The following PTGER4 variants were observed in gnomAD, a reference collection of about 807,000 sequenced individuals.
PTGER4 encodes the protein prostaglandin E2 receptor EP4 subtype.
Under a neutral mutation model 33.2 loss-of-function variants are expected in PTGER4, and 11 were observed. That is an observed-to-expected ratio of 0.33 (90% CI 0.21 to 0.55). The LOEUF is 0.55. Among genes scored for constraint, PTGER4 ranks in the 20% least tolerant of loss-of-function variants. The pLI is 0.92. For missense variants in PTGER4, 481 were observed against 650.2 expected (o/e 0.74, Z 2.83); for synonymous variants, 275 against 281.5 (o/e 0.98, Z 0.23).
At position 40,692,168 on chromosome 5, in the gene PTGER4, T is replaced by A. The variant is rs973818504; in HGVS notation, c.1257T>A (p.Pro419=). Residue 419 remains proline (P), a synonymous_variant, in exon 3 of 3, where the codon CCT becomes CCA. Coordinates refer to ENST00000302472, the MANE Select transcript of PTGER4 (RefSeq NM_000958.3). ...GCAGGAATTTGCTTCCAGGTGTGCC[T>A]GGCATGGGCCTGGCCCAGGAAGACA... ...LGGRNLLPGV[P]GMGLAQEDTT... is the part of the protein sequence containing the mutation. The A allele has an allele frequency of 5.6e-6, 9 of 1,614,104 alleles. No individual in the cohort carries two copies. The highest frequency in any genetic ancestry group is 7.6e-6 in the Non-Finnish European group (9 of 1,180,046).
At chr5:40,737,565 GT>G in the PTGER4 span, among the ~76,000 whole-genome samples, 2 of 152,010 alleles carry the variant, frequency 1.3e-5, no homozygotes, top group Non-Finnish European at 2.9e-5. Context: ...TCAAAACTTT[GT>G]TTTTTTAATC....
At chr5:40,710,312 G>A in the PTGER4 span, among the ~76,000 whole-genome samples, 1 of 152,018 alleles carries the variant, frequency 6.6e-6, no homozygotes, top group Admixed American at 6.5e-5. Flanking sequence ...TGCAGCCAAA[G>A]GACACATGAA....
chr5:40,703,645 C>G, the PTGER4 span, among the ~76,000 whole-genome samples: 1 of 151,962 alleles, frequency 6.6e-6, no homozygotes, highest in Non-Finnish European at 1.5e-5. Flanking sequence ...TGGCTCACGC[C>G]TGTAATCCCA....
chr5:40,722,596 C>A, the PTGER4 span, among the ~76,000 whole-genome samples: 1 of 151,914 alleles, frequency 6.6e-6, no homozygotes, highest in African/African-American at 2.4e-5. Flanking sequence ...TGACCGGCCG[C>A]CCCGTCTGAG....
At chr5:40,721,102 T>C in the PTGER4 span, among the ~76,000 whole-genome samples, 3 of 152,206 alleles carry the variant, frequency 2.0e-5, no homozygotes, top group Admixed American at 6.5e-5. Flanking sequence ...AAGAAAAGAA[T>C]TGGTCCACAC....
the PTGER4 span, among the ~76,000 whole-genome samples, chr5:40,732,904 G>A: frequency 9.2e-5 from 14 of 152,096 alleles, no homozygotes; most frequent in South Asian, 4.1e-4. Context: ...CACCGCGCCC[G>A]GCCTAATATA....
At chr5:40,740,337 T>A in the PTGER4 span, among the ~76,000 whole-genome samples, 1 of 151,918 alleles carries the variant, frequency 6.6e-6, no homozygotes, top group Admixed American at 6.6e-5. Context: ...CCAGGCCTAC[T>A]GGTAATGGGT....
chr5:40,717,182 T>C, the PTGER4 span, among the ~76,000 whole-genome samples: 5 of 135,080 alleles, frequency 3.7e-5, no homozygotes, highest in South Asian at 2.3e-4. Flanking sequence ...TGAGTTGAGA[T>C]CACGCCATTG....
downstream of PTGER4, among the ~76,000 whole-genome samples, chr5:40,698,114 A>AAAAAAAAAAAAAAAAAG (rs1741655429): frequency 7.7e-6 from 1 of 130,368 alleles, no homozygotes; most frequent in Non-Finnish European, 1.7e-5. Context: ...AAAAAAAAAA[A>AAAAAAAAAAAAAAAAAG]AAAAACCATG....
the PTGER4 span, among the ~76,000 whole-genome samples, chr5:40,730,867 T>C: frequency 2.6e-5 from 4 of 152,132 alleles, no homozygotes; most frequent in Non-Finnish European, 5.9e-5. Context: ...CACTAAACAA[T>C]ACTTAGTATA....
the PTGER4 span, chr5:40,728,346 A>G: frequency 2.5e-5 from 40 of 1,585,446 alleles, no homozygotes; most frequent in Non-Finnish European, 3.0e-5. Flanking sequence ...CTTCCTCACC[A>G]GGATTATCTC....
At chr5:40,705,804 T>C in the PTGER4 span, among the ~76,000 whole-genome samples, 1 of 152,158 alleles carries the variant, frequency 6.6e-6, no homozygotes, top group African/African-American at 2.4e-5. Flanking sequence ...ATGGCTATTA[T>C]AAGAAAGTCA....
the PTGER4 span, among the ~76,000 whole-genome samples, chr5:40,741,518 C>T: frequency 2.6e-4 from 40 of 152,306 alleles, no homozygotes; most frequent in African/African-American, 9.6e-4. Flanking sequence ...ACCTCATAGA[C>T]TTCTGGAGCT....
the PTGER4 span, among the ~76,000 whole-genome samples, chr5:40,723,629 C>T: frequency 6.6e-6 from 1 of 152,208 alleles, no homozygotes; most frequent in Non-Finnish European, 1.5e-5. Flanking sequence ...CTGTGGGAGG[C>T]CATGGTGGGC....
the PTGER4 span, among the ~76,000 whole-genome samples, chr5:40,736,885 ATACTCACTATACCATCTC>A: frequency 1.3e-5 from 2 of 152,346 alleles, no homozygotes; most frequent in Admixed American, 1.3e-4. Context: ...CTTAACCACT[ATACTCACTATACCATCTC>A]TATTAAGCAC....
chr5:40,692,941 C>T lies in PTGER4; in HGVS notation c.*563C>T. On this transcript the variant is annotated 3_prime_UTR_variant, in exon 3 of 3. Transcript: ENST00000302472. Reference sequence around the variant, plus strand: ...CTTCCAGTATAACCAGCTGAAGTTGCAGATGTTAGATATTTTTCATAAACA... The same window carrying T: ...CTTCCAGTATAACCAGCTGAAGTTGTAGATGTTAGATATTTTTCATAAACA... 1 of 969,478 alleles carries T rather than the reference C, an allele frequency of 1.0e-6. No homozygotes were observed. The highest frequency in any genetic ancestry group is 4.8e-5 in the South Asian group (1 of 20,932). The allele number at this position is 969,478 out of a possible 1,614,324, so 60.1% of individuals were successfully genotyped here.
chr5:40,681,791 C>T lies in PTGER4; in HGVS notation c.798C>T (p.Ala266=), dbSNP rs1164725948. 2 of 1,594,422 alleles carry T rather than the reference C, an allele frequency of 1.3e-6. No individual in the cohort carries two copies. Among genetic ancestry groups the T allele is most frequent in the Admixed American group, 3.5e-5 (2 of 57,814 alleles). The change falls in exon 2 of 3, where the codon GCC becomes GCT. Residue 266 remains alanine, a synonymous_variant. Coordinates refer to ENST00000302472, the MANE Select transcript of PTGER4 (RefSeq NM_000958.3). This position sits in a 1 kb window ranked among gnomAD's most constrained non-coding sequence, Gnocchi z 9.8. ...GGAGCTTCCGCCGCATCGCGGGCGC[C>T]GAGATCCAGATGGTCATCTTACTCA... The part of the protein sequence containing the change: ...RRRSFRRIAG[A]EIQMVILLIA...
In PTGER4 at chr5:40,685,121, G is replaced by C. The variant is rs557711151; in HGVS notation, c.867+3261G>C. On this transcript the variant is annotated intron_variant, in intron 2 of 2. Transcript: ENST00000302472. ...TTTCCCCCATACACAAGCAACCCAA[G>C]ACTGTATTTATTGCTTACTTGTTTC... Among the ~76,000 whole-genome samples the C allele has an allele frequency of 1.8e-4, 27 of 152,248 alleles. No individual in the cohort carries two copies. The South Asian group carries it at 5.4e-3, about 30-fold the overall frequency.
At chr5:40,736,173 T>C in the PTGER4 span, among the ~76,000 whole-genome samples, 1 of 152,144 alleles carries the variant, frequency 6.6e-6, no homozygotes, top group Admixed American at 6.6e-5. Context: ...TGACAGATCA[T>C]ATAGGCACAA....
Sources: allele counts gnomAD v4.1 joint callset (sites outside exome capture counted in the v4.1 genomes callset), GRCh38; gene constraint gnomAD v4.1.1; non-coding constraint Gnocchi (gnomAD v3.1); transcripts MANE v1.5; gene names NCBI Gene and HGNC (gene_info 2026-07-23, HGNC 2026-07-21).